The following BTBD8 variants were observed in gnomAD, a reference collection of about 807,000 sequenced individuals.
BTBD8 encodes the protein BTB domain containing 8.
A neutral mutation model predicts 162.9 loss-of-function variants in BTBD8; 110 were observed. The observed-to-expected ratio is 0.68, with a 90% CI of 0.58 to 0.79. BTBD8 has a LOEUF of 0.79. BTBD8 is among the 30% of genes least tolerant of loss of function. The pLI, the probability that BTBD8 is intolerant of heterozygous loss-of-function variation, is 0.00. For synonymous variants in BTBD8, 667 were observed against 716.1 expected, an observed-to-expected ratio of 0.93 and a Z score of 1.10; for missense variants, 1,905 against 2,085.4, an observed-to-expected ratio of 0.91 and a Z score of 1.68.
chr1:92,106,203 T>A (rs1329727114), intron 3 of BTBD8, among the ~76,000 whole-genome samples: 1 of 152,214 alleles, frequency 6.6e-6, no homozygotes, highest in Non-Finnish European at 1.5e-5. Context: ...GGTCTCCATG[T>A]CAGGTCAGTT....
intron 4 of BTBD8, among the ~76,000 whole-genome samples, chr1:92,121,833 AT>A (rs1051523668): frequency 1.3e-5 from 2 of 148,724 alleles, no homozygotes; most frequent in Non-Finnish European, 3.0e-5. Context: ...TTGCCCATTT[AT>A]TTTTTTATTT....
chr1:92,122,155 A>G (rs568105435), intron 4 of BTBD8, among the ~76,000 whole-genome samples: 12 of 152,210 alleles, frequency 7.9e-5, no homozygotes, highest in African/African-American at 2.2e-4. Context: ...GATTGATTCA[A>G]TTTTTATTGC....
Position 92,181,540 on chromosome 1 carries a change from C to T in BTBD8, c.3857C>T (p.Ser1286Phe). Residue 1286 changes from serine to phenylalanine, a missense_variant, in exon 17 of 18, where the codon TCT becomes TTT. Ser to Phe is a radical substitution (Grantham distance 155). This residue lies in a region of BTBD8 where 517 missense variants were observed against 606.6 expected (regional missense o/e 0.85). Coordinates refer to ENST00000636805, the MANE Select transcript of BTBD8 (RefSeq NM_001376131.1). ...DDDGSNDRGISKCGTMLCHDF... is the reference protein window; with the variant it reads ...DDDGSNDRGIFKCGTMLCHDF... ...GATGGGTCAAATGACAGAGGTATCT[C>T]TAAATGTGGCACTATGCTGTGCCAT... is the stretch of plus-strand genomic sequence containing the variant. 1 of 1,551,636 alleles carries T rather than the reference C, an allele frequency of 6.4e-7. No homozygotes were observed. The highest frequency in any genetic ancestry group is 8.7e-7 in the Non-Finnish European group (1 of 1,146,956).
intron 5 of BTBD8, among the ~76,000 whole-genome samples, chr1:92,132,642 C>T (rs1649540260): frequency 6.6e-6 from 1 of 152,070 alleles, no homozygotes; most frequent in Non-Finnish European, 1.5e-5. Context: ...ATAAGTAGAC[C>T]ATACACTGTA....
intron 2 of BTBD8, among the ~76,000 whole-genome samples, chr1:92,097,454 T>G (rs1020987982): frequency 1.2e-4 from 18 of 152,184 alleles, no homozygotes; most frequent in Admixed American, 4.6e-4. Context: ...TTTTAATATA[T>G]TCACAATGTT....
intron 4 of BTBD8, among the ~76,000 whole-genome samples, chr1:92,109,938 G>A (rs562015216): frequency 6.6e-6 from 1 of 152,210 alleles, no homozygotes; most frequent in Non-Finnish European, 1.5e-5. Context: ...CAAAGGACCA[G>A]GATTTATGAC....
Position 92,180,985 on chromosome 1 carries a change from C to T in BTBD8, c.3302C>T (p.Ser1101Phe), listed in dbSNP as rs1295004267. The T allele has an allele frequency of 7.1e-6, 11 of 1,551,774 alleles. No individual in the cohort carries two copies. The highest frequency in any genetic ancestry group is 3.9e-5 in the Admixed American group (2 of 50,992). ...ATGGTTTCAAATCCAAATGAAAACT[C>T]CTTGAACTCTAATCCAGTTTGTGAT... is the stretch of plus-strand genomic sequence containing the variant. ...KYMVSNPNEN[S>F]LNSNPVCDLD... Residue 1101 changes from serine (S) to phenylalanine (F), a missense_variant, in exon 17 of 18, where the codon TCC becomes TTC. Physicochemically the swap from Ser to Phe is radical, Grantham distance 155 (BLOSUM62 -2). Transcript: ENST00000636805.
chr1:92,172,317 G>A (rs1319126181), intron 13 of BTBD8, among the ~76,000 whole-genome samples: 1 of 152,172 alleles, frequency 6.6e-6, no homozygotes, highest in Non-Finnish European at 1.5e-5. Context: ...CATTTTGCAA[G>A]ATGAAAAGTT....
chr1:92,146,518 G>A (rs1464168666), intron 7 of BTBD8, among the ~76,000 whole-genome samples: 1 of 152,100 alleles, frequency 6.6e-6, no homozygotes, highest in African/African-American at 2.4e-5. Context: ...CATTTTATGG[G>A]TTTATACACA....
rs1429836332 is a variant in BTBD8 at position 92,168,004 on chromosome 1, T to C, written c.1443+19T>C. On this transcript the variant is annotated intron_variant, in intron 11 of 17. Transcript: ENST00000636805. ...GGAAATGGTACTGAATGTAATGAAA[T>C]TTATTAAAATAATGCAATATTTGAA... 10 of 1,517,274 alleles carry C rather than the reference T, an allele frequency of 6.6e-6. No homozygotes were observed. The highest frequency in any genetic ancestry group is 8.9e-6 in the Non-Finnish European group (10 of 1,128,558). The allele number at this position is 1,517,274 out of a possible 1,614,324, so 94.0% of individuals were successfully genotyped here.
intron 13 of BTBD8, among the ~76,000 whole-genome samples, chr1:92,174,505 G>A (rs1056680566): frequency 1.3e-5 from 2 of 152,130 alleles, no homozygotes; most frequent in South Asian, 2.1e-4. Context: ...CACCCATAGC[G>A]TAATACTTCA....
chr1:92,155,407 GTCT>G (rs1650138612), intron 9 of BTBD8, among the ~76,000 whole-genome samples: 1 of 151,960 alleles, frequency 6.6e-6, no homozygotes, highest in Non-Finnish European at 1.5e-5. Context: ...CTTTCTGTTT[GTCT>G]TCTTTCATTT....
chr1:92,150,284 G>A (rs1259484101), intron 9 of BTBD8, among the ~76,000 whole-genome samples: 1 of 139,490 alleles, frequency 7.2e-6, no homozygotes, highest in African/African-American at 2.6e-5. Context: ...ATTGAATATT[G>A]AAATAATTGT....
Position 92,182,297 on chromosome 1 carries a change from A to G in BTBD8, c.4614A>G (p.Thr1538=). 2.6e-6 allele frequency: 4 copies of G among 1,551,504 alleles called. No homozygotes were observed. The highest frequency in any genetic ancestry group is 3.5e-6 in the Non-Finnish European group (4 of 1,146,912). ...TTTCAGCCACAGAAAAAAAGAACAC[A>G]ATAGACGTCCTATCCAGTAGAAGCA... ...QSVSATEKKN[T]IDVLSSRSRQ... is the part of the protein sequence containing the mutation. Residue 1538 remains threonine, a synonymous_variant, in exon 17 of 18, where the codon ACA becomes ACG. Transcript: ENST00000636805.
rs369084782 is a variant in BTBD8 at position 92,102,644 on chromosome 1, C to T, written c.519C>T (p.Asp173=). ...QKHEIPEDIS[D]RDDDFISNDN... is the part of the protein sequence containing the mutation. The stretch of plus-strand genomic sequence containing the variant: ...ATGAAATTCCAGAGGATATCAGTGA[C>T]AGAGATGATGATTTCATTTCCAATG... Residue 173 remains aspartate (D), a synonymous_variant, in exon 3 of 18, where the codon GAC becomes GAT. Coordinates refer to ENST00000636805, the MANE Select transcript of BTBD8 (RefSeq NM_001376131.1). The T allele has an allele frequency of 4.0e-6, 6 of 1,496,868 alleles. No individual in the cohort carries two copies. In the African/African-American group the frequency reaches 5.7e-5, roughly 14 times the overall value. 92.7% of individuals were successfully genotyped at this position (1,496,868 alleles called of 1,614,324 possible).
At position 92,129,815 on chromosome 1, in the gene BTBD8, T is replaced by C. The variant is rs373499182; in HGVS notation, c.752+39T>C. 45 of 1,503,948 alleles carry C rather than the reference T, an allele frequency of 3.0e-5. No individual in the cohort carries two copies. In the Middle Eastern group the frequency reaches 5.1e-4, roughly 17 times the overall value. 93.2% of individuals were successfully genotyped at this position (1,503,948 alleles called of 1,614,324 possible). A position where few individuals can be genotyped will look rare whatever the true frequency, so the allele number is the denominator to read the frequency against. ...TACAGGGCCATTTGACTGCAAATGATTGTAAATTGTATTTCATACAAAGCA... is the reference window on the plus strand; with the variant it reads ...TACAGGGCCATTTGACTGCAAATGACTGTAAATTGTATTTCATACAAAGCA... On this transcript the variant is annotated intron_variant, in intron 5 of 17. Coordinates refer to ENST00000636805, the MANE Select transcript of BTBD8 (RefSeq NM_001376131.1).
At chr1:92,095,845 C>T (rs1357394987) in intron 2 of BTBD8, among the ~76,000 whole-genome samples, 2 of 152,136 alleles carry the variant, frequency 1.3e-5, no homozygotes, top group African/African-American at 4.8e-5. Flanking sequence ...ATAACTACAG[C>T]CCCCCGTCAT....
At chr1:92,115,444 T>G (rs1480096513) in intron 4 of BTBD8, 7 of 488,414 alleles carry the variant, frequency 1.4e-5, no homozygotes, top group South Asian at 1.1e-4. Context: ...GGGGCAGAGG[T>G]AATGACCCTT....
At chr1:92,129,920 G>A (rs764925166) in intron 5 of BTBD8, 144 bp downstream of exon 5, 6 of 729,404 alleles carry the variant, frequency 8.2e-6, no homozygotes, top group African/African-American at 1.8e-5. Context: ...TTTCTGAAAC[G>A]GGAAGTAATA....
Sources: gnomAD v4.1 joint callset for allele counts (sites outside exome capture counted in the v4.1 genomes callset) on GRCh38, gnomAD v4.1.1 for gene constraint, gnomAD v4.1.1 regional missense constraint, MANE v1.5 for transcripts, NCBI Gene and HGNC (gene_info 2026-07-23, HGNC 2026-07-21) for gene names.